The following DTNBP1 variants were observed in gnomAD, a reference collection of about 807,000 sequenced individuals.
DTNBP1 encodes dysbindin.
A neutral mutation model predicts 42.8 loss-of-function variants in DTNBP1; 35 were observed. That is an observed-to-expected ratio of 0.82 (90% CI 0.63 to 1.09). DTNBP1 has a LOEUF of 1.09. Ranked by LOEUF, DTNBP1 falls within the 50% of genes least tolerant of loss-of-function variation. The pLI, the probability that DTNBP1 is intolerant of heterozygous loss-of-function variation, is 0.00. For synonymous variants in DTNBP1, 171 were observed against 162.2 expected, an observed-to-expected ratio of 1.05 and a Z score of -0.41; for missense variants, 457 against 424.2, an observed-to-expected ratio of 1.08 and a Z score of -0.68.
chr6:15,577,519 C>CAT (rs1337667657), intron 7 of DTNBP1, among the ~76,000 whole-genome samples: 2 of 152,214 alleles, frequency 1.3e-5, no homozygotes, highest in Non-Finnish European at 2.9e-5. Context: ...AGAGAGGACT[C>CAT]ATGCAGCATT....
chr6:15,662,786 C>A (rs201375623), intron 1 of DTNBP1, 28 bp downstream of exon 1: 6 of 1,611,994 alleles, frequency 3.7e-6, no homozygotes, highest in Non-Finnish European at 4.2e-6. Context: ...CCCCTCAGGT[C>A]CCTTTTCGTC....
intron 2 of DTNBP1, among the ~76,000 whole-genome samples, chr6:15,651,875 A>G (rs542566033): frequency 1.3e-5 from 2 of 152,350 alleles, no homozygotes; most frequent in Admixed American, 6.5e-5. Context: ...TGTCAGAGTA[A>G]AACAATTATA....
chr6:15,636,633 C>G (rs1760042749), intron 4 of DTNBP1, among the ~76,000 whole-genome samples: 1 of 152,118 alleles, frequency 6.6e-6, no homozygotes. Flanking sequence ...TTTTTTTCCC[C>G]CTAGCTTAAG....
chr6:15,531,677 A>C (rs1772836749), intron 8 of DTNBP1, among the ~76,000 whole-genome samples: 1 of 152,192 alleles, frequency 6.6e-6, no homozygotes, highest in African/African-American at 2.4e-5. Context: ...CTCTGTCGCC[A>C]GGCTGGAGTG....
intron 7 of DTNBP1, among the ~76,000 whole-genome samples, chr6:15,543,354 G>C (rs1773687382): frequency 6.6e-6 from 1 of 152,058 alleles, no homozygotes; most frequent in Non-Finnish European, 1.5e-5. Flanking sequence ...ATTAACATGG[G>C]TACAATCCAC....
intron 6 of DTNBP1, among the ~76,000 whole-genome samples, chr6:15,594,464 CA>C (rs11417449): frequency 9.6e-4 from 71 of 74,046 alleles, no homozygotes; most frequent in Admixed American, 1.1e-3. Context: ...GACTCTGTCT[CA>C]AAAAAAAAAA....
At chr6:15,644,437 G>A (rs1760558491) in intron 3 of DTNBP1, among the ~76,000 whole-genome samples, 1 of 152,040 alleles carries the variant, frequency 6.6e-6, no homozygotes, top group African/African-American at 2.4e-5. Context: ...TGGACCTAAT[G>A]GACATCTACA....
upstream of DTNBP1, chr6:15,663,040 C>G: frequency 1.2e-6 from 1 of 843,880 alleles, no homozygotes; most frequent in Non-Finnish European, 1.7e-6. Context: ...GCCCCTTCCG[C>G]GTTCCCGCCC....
chr6:15,566,583 T>C (rs548384132), intron 7 of DTNBP1, among the ~76,000 whole-genome samples: 1 of 152,128 alleles, frequency 6.6e-6, no homozygotes, highest in African/African-American at 2.4e-5. Context: ...TAACCTCACA[T>C]GACAGATAAA....
At chr6:15,582,518 T>C (rs1036859362) in intron 7 of DTNBP1, among the ~76,000 whole-genome samples, 1 of 152,202 alleles carries the variant, frequency 6.6e-6, no homozygotes, top group Non-Finnish European at 1.5e-5. Flanking sequence ...AGAATTATAC[T>C]TATATACCTA....
chr6:15,621,333 G>A (rs1759027311), intron 5 of DTNBP1, among the ~76,000 whole-genome samples: 1 of 152,138 alleles, frequency 6.6e-6, no homozygotes, highest in African/African-American at 2.4e-5. Flanking sequence ...AGCTCTGTTG[G>A]TTGACTACAG....
At chr6:15,573,490 C>T (rs889279235) in intron 7 of DTNBP1, among the ~76,000 whole-genome samples, 2 of 151,982 alleles carry the variant, frequency 1.3e-5, no homozygotes, top group Non-Finnish European at 2.9e-5. Flanking sequence ...CAGAGGCTCC[C>T]AGCACTATTT....
At chr6:15,590,989 A>G (rs1360869111) in intron 7 of DTNBP1, among the ~76,000 whole-genome samples, 1 of 152,252 alleles carries the variant, frequency 6.6e-6, no homozygotes, top group Non-Finnish European at 1.5e-5. Flanking sequence ...TGAAAAGGAA[A>G]AAGGCAATAT....
intron 7 of DTNBP1, among the ~76,000 whole-genome samples, chr6:15,541,112 G>A (rs1175231619): frequency 6.6e-6 from 1 of 152,104 alleles, no homozygotes; most frequent in Non-Finnish European, 1.5e-5. Context: ...ACTGAGGACC[G>A]AGTATAGTTG....
intron 4 of DTNBP1, among the ~76,000 whole-genome samples, chr6:15,636,157 C>CTTTTTTTTTTTTTTTTTT (rs70996562): frequency 7.9e-6 from 1 of 127,026 alleles, no homozygotes. Context: ...TTACCTGCAC[C>CTTTTTTTTTTTTTTTTTT]TTTTTTTTTT....
intron 7 of DTNBP1, among the ~76,000 whole-genome samples, chr6:15,592,290 A>G (rs1404188173): frequency 6.6e-6 from 1 of 152,256 alleles, no homozygotes; most frequent in Non-Finnish European, 1.5e-5. Context: ...AAGTGATTTA[A>G]TAAGTAATTC....
intron 5 of DTNBP1, among the ~76,000 whole-genome samples, chr6:15,619,140 G>A (rs1358358647): frequency 6.6e-6 from 1 of 152,124 alleles, no homozygotes; most frequent in African/African-American, 2.4e-5. Flanking sequence ...GGAAGAATAA[G>A]TTCTAGTATT....
In DTNBP1 at chr6:15,662,811, C is replaced by CA. The variant is rs749347383; in HGVS notation, c.56+2dup. The CA allele has an allele frequency of 6.2e-7, 1 of 1,612,038 alleles. No homozygotes were observed. The highest frequency in any genetic ancestry group is 1.1e-5 in the South Asian group (1 of 91,074). On this transcript the variant is annotated splice_region_variant and intron_variant, in intron 1 of 9. Transcript: ENST00000344537. Reference sequence around the variant, plus strand: ...CCCTTTTCGTCGCCCACCGTATACCCACCCGGAGGTGAAATCCTGCTGCAC... The same window carrying CA: ...CCCTTTTCGTCGCCCACCGTATACCCAACCCGGAGGTGAAATCCTGCTGCAC...
intron 9 of DTNBP1, chr6:15,523,475 G>A (rs1269007003): frequency 1.5e-6 from 2 of 1,297,326 alleles, no homozygotes; most frequent in Non-Finnish European, 2.0e-6. Context: ...GTGCTCCTAA[G>A]GCTGTAATAC....
Sources: allele counts gnomAD v4.1 joint callset (sites outside exome capture counted in the v4.1 genomes callset), GRCh38; gene constraint gnomAD v4.1.1; transcripts MANE v1.5; gene names NCBI Gene and HGNC (gene_info 2026-07-23, HGNC 2026-07-21).